The following MTA3 variants were observed in gnomAD, a reference collection of about 807,000 sequenced individuals.
The protein encoded by MTA3 is metastasis-associated protein MTA3.
A neutral mutation model predicts 83.5 loss-of-function variants in MTA3; 34 were observed. The ratio of observed to expected loss-of-function variants is 0.41; its 90% CI spans 0.31 to 0.54. MTA3 has a LOEUF of 0.54. Among genes scored for constraint, MTA3 ranks in the 20% least tolerant of loss-of-function variants. MTA3 has a pLI of 0.33. For synonymous variants in MTA3, 303 were observed against 252.7 expected (o/e 1.20, Z -1.89); for missense variants, 761 against 726.4 (o/e 1.05, Z -0.55).
intron 4 of MTA3, among the ~76,000 whole-genome samples, chr2:42,625,946 C>CTTTTTTTTTTTT (rs540658051): frequency 7.8e-6 from 1 of 128,998 alleles, no homozygotes; most frequent in African/African-American, 2.9e-5. Context: ...TTTTTTTTTT[C>CTTTTTTTTTTTT]TTTTTTTTTT....
chr2:42,632,097 T>G (rs1211031968), intron 4 of MTA3, among the ~76,000 whole-genome samples: 4 of 149,690 alleles, frequency 2.7e-5, no homozygotes, highest in African/African-American at 4.9e-5. Flanking sequence ...CTGGGTTTTT[T>G]TTTTTTTTTT....
chr2:42,707,466 C>T (rs1666202213), intron 12 of MTA3, among the ~76,000 whole-genome samples: 1 of 152,150 alleles, frequency 6.6e-6, no homozygotes, highest in Admixed American at 6.5e-5. Context: ...CCAGGATGGT[C>T]TTGATCTCCT....
At chr2:42,495,878 A>G (rs1275783730) in intron 2 of MTA3, among the ~76,000 whole-genome samples, 2 of 152,202 alleles carry the variant, frequency 1.3e-5, no homozygotes, top group Non-Finnish European at 2.9e-5. Flanking sequence ...TGTTCTGAGA[A>G]ACGCTGAGAC....
At chr2:42,614,449 G>T (rs558655480) in intron 4 of MTA3, among the ~76,000 whole-genome samples, 1 of 152,118 alleles carries the variant, frequency 6.6e-6, no homozygotes, top group Non-Finnish European at 1.5e-5. Context: ...TGTATCATCT[G>T]ACTTACAAAT....
At chr2:42,586,802 A>G (rs1013803469) in intron 3 of MTA3, among the ~76,000 whole-genome samples, 4 of 152,294 alleles carry the variant, frequency 2.6e-5, no homozygotes, top group African/African-American at 9.6e-5. Flanking sequence ...AGGTGGGTGG[A>G]TCATGAGGTC....
chr2:42,708,341 C>T (rs2043912), intron 13 of MTA3, among the ~76,000 whole-genome samples: 99,010 of 151,996 alleles, frequency 0.65, 33,082 homozygotes, highest in African/African-American at 0.8. Flanking sequence ...GAAAACAGTT[C>T]GTAACCTTTA....
In MTA3 at chr2:42,551,085, A is replaced by AAATT. The variant is rs1362776534; in HGVS notation, c.-140-19349_-140-19346dup. ...TAAATAAATAAATAAATAAATAAAT[A>AAATT]AATTAAAATTTATGATAGAATAGTA... is the stretch of plus-strand genomic sequence containing the variant. On this transcript the variant is annotated intron_variant, in intron 2 of 17. Transcript: ENST00000405592. 5.3e-3 allele frequency among the ~76,000 whole-genome samples: 804 copies of AAATT among 150,412 alleles called. 6 individuals are homozygous for AAATT. Among genetic ancestry groups the AAATT allele is most frequent in the Middle Eastern group, 0.014 (4 of 292 alleles).
chr2:42,689,906 C>T (rs1444629926), intron 9 of MTA3, among the ~76,000 whole-genome samples: 2 of 145,852 alleles, frequency 1.4e-5, no homozygotes, highest in Non-Finnish European at 3.0e-5. Context: ...GTGATTTCTG[C>T]TTGTGTCTTT....
intron 8 of MTA3, among the ~76,000 whole-genome samples, chr2:42,664,223 G>A (rs1022482851): frequency 6.6e-6 from 1 of 151,982 alleles, no homozygotes; most frequent in Admixed American, 6.6e-5. Flanking sequence ...ACTGCTTTAG[G>A]TTCAGCTTTA....
At chr2:42,533,000 T>C (rs1172533032) in intron 2 of MTA3, 1 of 188,268 alleles carries the variant, frequency 5.3e-6, no homozygotes, top group Non-Finnish European at 1.1e-5. Flanking sequence ...AACCTTGCCC[T>C]TGTTTGTTTA....
At chr2:42,665,752 T>G (rs1690176976) in intron 8 of MTA3, among the ~76,000 whole-genome samples, 2 of 152,222 alleles carry the variant, frequency 1.3e-5, no homozygotes, top group East Asian at 3.8e-4. Flanking sequence ...TGAGTTAGTT[T>G]GGAGCCTGAT....
Position 42,753,478 on chromosome 2 carries a change from C to T in MTA3, c.*79C>T. ...TTCACAGCCGTGCCTGGGAAGAAGG[C>T]AGCCCCACTCCCAGTACATTTCAGT... On this transcript the variant is annotated 3_prime_UTR_variant, in exon 17 of 17. Coordinates refer to ENST00000405094, the MANE Select transcript of MTA3 (RefSeq NM_001330442.2). 1.9e-6 allele frequency: 3 copies of T among 1,547,880 alleles called. No individual in the cohort carries two copies. Among genetic ancestry groups the T allele is most frequent in the Non-Finnish European group, 2.6e-6 (3 of 1,145,422 alleles).
intron 4 of MTA3, among the ~76,000 whole-genome samples, chr2:42,620,964 C>T (rs1413480076): frequency 1.3e-5 from 2 of 152,090 alleles, no homozygotes; most frequent in Admixed American, 1.3e-4. Flanking sequence ...CATAGATATT[C>T]ATGTGAAACT....
intron 3 of MTA3, among the ~76,000 whole-genome samples, chr2:42,591,316 G>C (rs1680963376): frequency 6.6e-6 from 1 of 152,166 alleles, no homozygotes; most frequent in Non-Finnish European, 1.5e-5. Flanking sequence ...CCTGTGTAGG[G>C]CACTTACCAT....
At chr2:42,678,172 A>G (rs1392907327) in intron 8 of MTA3, among the ~76,000 whole-genome samples, 2 of 152,100 alleles carry the variant, frequency 1.3e-5, no homozygotes, top group South Asian at 2.1e-4. Flanking sequence ...CTGCTGCAGA[A>G]GAGTGAGAGG....
intron 4 of MTA3, among the ~76,000 whole-genome samples, chr2:42,626,589 C>G (rs904239641): frequency 6.6e-6 from 1 of 152,050 alleles, no homozygotes; most frequent in Non-Finnish European, 1.5e-5. Context: ...GGCCACCGCA[C>G]CTGGCCTAGG....
intron 13 of MTA3, 43 bp from the exon 14 acceptor site, chr2:42,708,831 C>G (rs762470543): frequency 3.7e-6 from 6 of 1,604,708 alleles, no homozygotes; most frequent in Non-Finnish European, 5.1e-6. Context: ...CGTGTTTGGG[C>G]AAGTTCACTT....
At chr2:42,551,869 G>A (rs1453088503) in intron 2 of MTA3, among the ~76,000 whole-genome samples, 3 of 152,040 alleles carry the variant, frequency 2.0e-5, no homozygotes, top group Non-Finnish European at 4.4e-5. Context: ...TGGGATTACA[G>A]GCACCCGCCA....
chr2:42,702,884 C>G (rs1329419309), intron 11 of MTA3: 2 of 152,178 alleles, frequency 1.3e-5, no homozygotes, highest in African/African-American at 4.8e-5. Context: ...CTGCACGTTT[C>G]TAAGGAATTA....
Sources: allele counts gnomAD v4.1 joint callset (sites outside exome capture counted in the v4.1 genomes callset), GRCh38; gene constraint gnomAD v4.1.1; transcripts MANE v1.5; gene names NCBI Gene and HGNC (gene_info 2026-07-23, HGNC 2026-07-21).